PKHD1: variants seen among roughly 807,000 people sequenced by gnomAD.
The protein encoded by PKHD1 is fibrocystin.
Under a neutral mutation model 412.0 loss-of-function variants are expected in PKHD1, and 291 were observed. The observed-to-expected ratio is 0.71, with a 90% CI of 0.64 to 0.78. The LOEUF (loss-of-function observed/expected upper bound fraction) is 0.78, where lower values mean the gene tolerates loss of function less well. Ranked by LOEUF, PKHD1 falls within the 30% of genes least tolerant of loss-of-function variation. The pLI, the probability that PKHD1 is intolerant of heterozygous loss-of-function variation, is 0.00. For synonymous variants in PKHD1, 1,777 were observed against 1,821.5 expected, an observed-to-expected ratio of 0.98 and a Z score of 0.62; for missense variants, 4,825 against 4,950.7, an observed-to-expected ratio of 0.97 and a Z score of 0.76.
intron 60 of PKHD1, among the ~76,000 whole-genome samples, chr6:51,726,139 A>G (rs1782544208): frequency 6.6e-6 from 1 of 152,210 alleles, no homozygotes; most frequent in Non-Finnish European, 1.5e-5. Flanking sequence ...TGAGAGATCC[A>G]GGGTAAATGA....
At chr6:51,896,391 C>A (rs895623104) in intron 43 of PKHD1, among the ~76,000 whole-genome samples, 7 of 152,196 alleles carry the variant, frequency 4.6e-5, no homozygotes, top group Non-Finnish European at 7.3e-5. Flanking sequence ...GAGGCACCCC[C>A]CAACAGGGGC....
intron 37 of PKHD1, among the ~76,000 whole-genome samples, chr6:51,919,676 G>A (rs190751358): frequency 1.4e-4 from 21 of 152,302 alleles, no homozygotes; most frequent in African/African-American, 4.6e-4. Context: ...AAAGTCCTTG[G>A]TAGCTTGATG....
In PKHD1 at chr6:52,025,858, G is replaced by T. The variant is rs150079934; in HGVS notation, c.3952C>A (p.His1318Asn). The T allele has an allele frequency of 1.1e-5, 17 of 1,614,146 alleles. No homozygotes were observed. The highest frequency in any genetic ancestry group is 1.4e-5 in the Non-Finnish European group (16 of 1,180,016). ...GEITNSSLSL[H>N]VGGSNLSNSV... is the part of the protein sequence containing the mutation. ...TTGGAGAGGTTACTTCCTCCCACAT[G>T]CAGGCTCAGGCTGCTATTTGTGATT... The change falls in exon 32 of 67, where the codon CAT becomes AAT. Residue 1318 changes from histidine to asparagine, a missense_variant. By Grantham distance (68) the His-to-Asn change is moderately conservative. Transcript: ENST00000371117.
intron 36 of PKHD1, among the ~76,000 whole-genome samples, chr6:51,957,981 T>C (rs1791400284): frequency 6.6e-6 from 1 of 152,162 alleles, no homozygotes; most frequent in South Asian, 2.1e-4. Flanking sequence ...CTTCATTTTT[T>C]CTTGTATTTC....
At position 51,802,504 on chromosome 6, in the gene PKHD1, T is replaced by C. The variant is rs370699163; in HGVS notation, c.8303-11131A>G. Among the ~76,000 whole-genome samples the C allele has an allele frequency of 5.7e-4, 86 of 151,660 alleles. 2 individuals carry two copies. In the South Asian group the frequency reaches 0.017, roughly 31 times the overall value. On this transcript the variant is annotated intron_variant, in intron 52 of 66. Coordinates refer to ENST00000371117, the MANE Select transcript of PKHD1 (RefSeq NM_138694.4). ...ACTGGCAACTCTCAGGTGATCCAAT[T>C]ATTAAATTTTTACATGTTACAGTTG...
At position 51,975,963 on chromosome 6, in the gene PKHD1, T is replaced by TGAAAAAAAAAAAAAAAA. The variant is rs1231391714; in HGVS notation, c.5752-15938_5752-15937insTTTTTTTTTTTTTTTTC. ...AACATAGCGAGACCCTTTCTCTAAT[T>TGAAAAAAAAAAAAAAAA]AAAAAAAAAAAAAAAAAAAAAAAAA... On this transcript the variant is annotated intron_variant, in intron 35 of 66. Coordinates refer to ENST00000371117, the MANE Select transcript of PKHD1 (RefSeq NM_138694.4). 20 of 69,778 alleles carry TGAAAAAAAAAAAAAAAA rather than the reference T, an allele frequency of 2.9e-4. 2 individuals are homozygous for TGAAAAAAAAAAAAAAAA. The highest frequency in any genetic ancestry group is 1.0e-3 in the African/African-American group (19 of 18,510). The allele number at this position is 69,778 out of a possible 1,614,324, so 4.3% of individuals were successfully genotyped here. A position where few individuals can be genotyped will look rare whatever the true frequency, so the allele number is the denominator to read the frequency against.
At chr6:51,660,619 C>T (rs535161029) in intron 60 of PKHD1, among the ~76,000 whole-genome samples, 25 of 152,244 alleles carry the variant, frequency 1.6e-4, no homozygotes, top group African/African-American at 6.0e-4. Flanking sequence ...GCTAGAGAGG[C>T]TTACAAAACT....
chr6:51,866,004 G>A (rs1384693200), intron 48 of PKHD1, among the ~76,000 whole-genome samples: 1 of 140,998 alleles, frequency 7.1e-6, no homozygotes, highest in Admixed American at 7.4e-5. Context: ...AGGACATCTG[G>A]GGCCCAGTCT....
intron 60 of PKHD1, among the ~76,000 whole-genome samples, chr6:51,715,981 A>G (rs1046932792): frequency 1.6e-4 from 25 of 152,228 alleles, no homozygotes; most frequent in African/African-American, 6.0e-4. Context: ...TTTTACTTCT[A>G]GAGATGGATA....
At chr6:51,894,158 G>A (rs1779531917) in intron 43 of PKHD1, among the ~76,000 whole-genome samples, 1 of 152,204 alleles carries the variant, frequency 6.6e-6, no homozygotes, top group South Asian at 2.1e-4. Context: ...AGACTCCGGA[G>A]CTGGAGCTGC....
intron 49 of PKHD1, among the ~76,000 whole-genome samples, chr6:51,851,971 T>A (rs569609409): frequency 1.3e-5 from 2 of 152,274 alleles, no homozygotes; most frequent in South Asian, 4.1e-4. Flanking sequence ...TGCTCTTGAC[T>A]CTCTAGCTCT....
intron 29 of PKHD1, 79 bp downstream of exon 29, chr6:52,032,951 T>C (rs1803293015): frequency 1.6e-6 from 2 of 1,289,154 alleles, no homozygotes; most frequent in Non-Finnish European, 2.2e-6. Flanking sequence ...ATACAATAAA[T>C]TTCAGAGGAC....
intron 52 of PKHD1, among the ~76,000 whole-genome samples, chr6:51,815,352 C>A (rs1765280001): frequency 6.6e-6 from 1 of 151,944 alleles, no homozygotes. Flanking sequence ...TTGTAGGAAC[C>A]CAGCGGAAGG....
At chr6:51,776,434 A>G (rs1299876311) in intron 53 of PKHD1, among the ~76,000 whole-genome samples, 1 of 152,032 alleles carries the variant, frequency 6.6e-6, no homozygotes, top group Non-Finnish European at 1.5e-5. Context: ...AAGTTCAACT[A>G]AGTCTAACAC....
chr6:51,896,961 G>GA (rs1766612787), intron 43 of PKHD1, among the ~76,000 whole-genome samples: 1 of 151,990 alleles, frequency 6.6e-6, no homozygotes, highest in Non-Finnish European at 1.5e-5. Flanking sequence ...GAAGTTTAGA[G>GA]AAAAAAGAAT....
chr6:52,040,177 G>A (rs1188496144), intron 27 of PKHD1, among the ~76,000 whole-genome samples: 1 of 152,120 alleles, frequency 6.6e-6, no homozygotes, highest in Non-Finnish European at 1.5e-5. Flanking sequence ...TGAATCAGGT[G>A]GTGATGAGGT....
chr6:51,762,142 C>T (rs927444926), intron 55 of PKHD1, among the ~76,000 whole-genome samples: 1 of 152,038 alleles, frequency 6.6e-6, no homozygotes, highest in South Asian at 2.1e-4. Context: ...TCTATTTCCA[C>T]TCTTATCTCT....
At chr6:51,781,486 A>G (rs1792001224) in intron 53 of PKHD1, among the ~76,000 whole-genome samples, 1 of 152,148 alleles carries the variant, frequency 6.6e-6, no homozygotes, top group African/African-American at 2.4e-5. Context: ...TTATTCATTC[A>G]CTACTTGCAA....
intron 56 of PKHD1, among the ~76,000 whole-genome samples, chr6:51,753,611 T>C (rs1414116824): frequency 6.6e-6 from 1 of 152,216 alleles, no homozygotes; most frequent in African/African-American, 2.4e-5. Flanking sequence ...CTGTGGGTAC[T>C]GGAACAGGTC....
Sources: gnomAD v4.1 joint callset for allele counts (sites outside exome capture counted in the v4.1 genomes callset) on GRCh38, gnomAD v4.1.1 for gene constraint, MANE v1.5 for transcripts, NCBI Gene and HGNC (gene_info 2026-07-23, HGNC 2026-07-21) for gene names.